Variants in EPHA3 observed in about 807,000 individuals in gnomAD.
EPHA3 encodes the protein EPH receptor A3.
A neutral mutation model predicts 107.1 loss-of-function variants in EPHA3; 42 were observed. That is an observed-to-expected ratio of 0.39 (90% CI 0.31 to 0.51). The LOEUF (loss-of-function observed/expected upper bound fraction) is 0.51, where lower values mean the gene tolerates loss of function less well. EPHA3 is among the 20% of genes least tolerant of loss of function. The pLI is 0.78. For missense variants in EPHA3, 1,183 were observed against 1,211.2 expected, an observed-to-expected ratio of 0.98 and a Z score of 0.35; for synonymous variants, 461 against 424.8, an observed-to-expected ratio of 1.09 and a Z score of -1.05.
chr3:89,445,300 A>G (rs1709858813), intron 13 of EPHA3, among the ~76,000 whole-genome samples: 1 of 152,176 alleles, frequency 6.6e-6, no homozygotes, highest in Non-Finnish European at 1.5e-5. Flanking sequence ...ACTTATTCAC[A>G]TCTTCTTCTA....
At chr3:89,332,562 G>T (rs1202358459) in intron 3 of EPHA3, among the ~76,000 whole-genome samples, 4 of 152,178 alleles carry the variant, frequency 2.6e-5, no homozygotes, top group Non-Finnish European at 5.9e-5. Flanking sequence ...GTATTGAAAT[G>T]CCTGGGCCTT....
chr3:89,245,591 A>AAT (rs1705012819), intron 3 of EPHA3, among the ~76,000 whole-genome samples: 1 of 152,238 alleles, frequency 6.6e-6, no homozygotes, highest in Non-Finnish European at 1.5e-5. Context: ...AGATAGAGCA[A>AAT]ATATAGAAAT....
chr3:89,273,409 A>G (rs1351513684), intron 3 of EPHA3, among the ~76,000 whole-genome samples: 1 of 152,020 alleles, frequency 6.6e-6, no homozygotes, highest in Non-Finnish European at 1.5e-5. Context: ...TTAATAGAAC[A>G]GTAGCCAACT....
intron 3 of EPHA3, among the ~76,000 whole-genome samples, chr3:89,279,916 T>G (rs1705898387): frequency 6.6e-6 from 1 of 152,108 alleles, no homozygotes. Context: ...GAAATGATCT[T>G]TATTAAACAC....
intron 2 of EPHA3, among the ~76,000 whole-genome samples, chr3:89,168,211 C>T (rs1705122810): frequency 6.6e-6 from 1 of 152,136 alleles, no homozygotes. Context: ...TGTCCTAGAC[C>T]TCTGGCTGAG....
intron 15 of EPHA3, among the ~76,000 whole-genome samples, chr3:89,467,387 A>C (rs1189316653): frequency 6.6e-6 from 1 of 152,204 alleles, no homozygotes; most frequent in Non-Finnish European, 1.5e-5. Context: ...ATGCATCTCC[A>C]ATGTTATTAC....
chr3:89,391,273 G>A (rs564502150), intron 5 of EPHA3, among the ~76,000 whole-genome samples: 1 of 152,230 alleles, frequency 6.6e-6, no homozygotes, highest in African/African-American at 2.4e-5. Flanking sequence ...GAAGTTTTCA[G>A]TACCGCTGTG....
At chr3:89,219,394 C>T (rs1704294049) in intron 3 of EPHA3, among the ~76,000 whole-genome samples, 1 of 152,008 alleles carries the variant, frequency 6.6e-6, no homozygotes, top group African/African-American at 2.4e-5. Context: ...AACTCTCCAC[C>T]TCAGGTGATC....
At chr3:89,263,049 T>C (rs1401928927) in intron 3 of EPHA3, among the ~76,000 whole-genome samples, 1 of 147,586 alleles carries the variant, frequency 6.8e-6, no homozygotes, top group Non-Finnish European at 1.5e-5. Flanking sequence ...TACATAGGTA[T>C]ACACGTGCCA....
At chr3:89,206,676 C>T (rs574211550) in intron 2 of EPHA3, among the ~76,000 whole-genome samples, 2 of 152,214 alleles carry the variant, frequency 1.3e-5, no homozygotes, top group East Asian at 1.9e-4. Context: ...TCAACATATA[C>T]ATTCATTTTG....
rs1710610695 is a variant in EPHA3, at chr3:89,480,949, G to A, written c.*1447G>A. The A allele has an allele frequency of 4.3e-6, 1 of 231,678 alleles. No homozygotes were observed. The highest frequency in any genetic ancestry group is 1.8e-4 in the South Asian group (1 of 5,516). 14.4% of individuals were successfully genotyped at this position (231,678 alleles called of 1,614,324 possible). ...AGCAGGAGAGAAATTTCTCATCACA[G>A]GGATTTAGACTTACTATTACATAAA... On this transcript the variant is annotated 3_prime_UTR_variant, in exon 17 of 17. Transcript: ENST00000336596.
At chr3:89,344,957 C>A (rs944279285) in intron 5 of EPHA3, among the ~76,000 whole-genome samples, 1 of 151,196 alleles carries the variant, frequency 6.6e-6, no homozygotes, top group African/African-American at 2.4e-5. Context: ...ATCTGTGAAT[C>A]CATCAGTCAA....
chr3:89,261,873 C>T (rs1432032740), intron 3 of EPHA3, among the ~76,000 whole-genome samples: 2 of 150,600 alleles, frequency 1.3e-5, no homozygotes, highest in East Asian at 4.0e-4. Flanking sequence ...TGGCAAAAAC[C>T]GCAATGAATT....
At chr3:89,219,453 G>T (rs1024687673) in intron 3 of EPHA3, among the ~76,000 whole-genome samples, 2 of 151,824 alleles carry the variant, frequency 1.3e-5, no homozygotes, top group African/African-American at 4.8e-5. Context: ...ATGAGCCTCC[G>T]TGCCCTGCCC....
At chr3:89,375,977 A>G (rs1559671262) in intron 5 of EPHA3, among the ~76,000 whole-genome samples, 1 of 151,900 alleles carries the variant, frequency 6.6e-6, no homozygotes, top group Non-Finnish European at 1.5e-5. Context: ...TTTTTACACT[A>G]CTTTAACCTT....
intron 15 of EPHA3, among the ~76,000 whole-genome samples, chr3:89,452,668 C>T (rs1710017677): frequency 6.6e-6 from 1 of 151,976 alleles, no homozygotes; most frequent in Admixed American, 6.6e-5. Context: ...TTCTTGTTTT[C>T]TTTACTGTGC....
chr3:89,278,012 T>G (rs1240634864), intron 3 of EPHA3, among the ~76,000 whole-genome samples: 1 of 152,172 alleles, frequency 6.6e-6, no homozygotes, highest in East Asian at 1.9e-4. Context: ...TTGATTTTTT[T>G]TGACAAAGAT....
chr3:89,454,942 A>T (rs1272991075), intron 15 of EPHA3, among the ~76,000 whole-genome samples: 3 of 152,134 alleles, frequency 2.0e-5, no homozygotes, highest in Non-Finnish European at 2.9e-5. Context: ...TACAGTGAGC[A>T]ATGGTAACAA....
chr3:89,120,686 G>T (rs1030002739), intron 1 of EPHA3, among the ~76,000 whole-genome samples: 2 of 152,102 alleles, frequency 1.3e-5, no homozygotes, highest in Non-Finnish European at 2.9e-5. Flanking sequence ...TAAAAACACA[G>T]ACTCATCTTA....
Sources: allele counts gnomAD v4.1 joint callset (sites outside exome capture counted in the v4.1 genomes callset), GRCh38; gene constraint gnomAD v4.1.1; transcripts MANE v1.5; gene names NCBI Gene and HGNC (gene_info 2026-07-23, HGNC 2026-07-21).